XRCC4: variants seen among roughly 807,000 people sequenced by gnomAD.
The protein encoded by XRCC4 is X-ray repair cross complementing 4, also known as DNA repair protein XRCC4.
Under a neutral mutation model 39.1 loss-of-function variants are expected in XRCC4, and 28 were observed. That is an observed-to-expected ratio of 0.72 (90% CI 0.53 to 0.98). The LOEUF is 0.98. Among genes scored for constraint, XRCC4 ranks in the 50% least tolerant of loss-of-function variants. The probability of loss-of-function intolerance (pLI) is 0.00; values close to 1 mark genes in which losing one functional copy is unlikely to be tolerated. For missense variants in XRCC4, 350 were observed against 376.4 expected, an observed-to-expected ratio of 0.93 and a Z score of 0.58; for synonymous variants, 123 against 126.4, an observed-to-expected ratio of 0.97 and a Z score of 0.18.
intron 7 of XRCC4, among the ~76,000 whole-genome samples, chr5:83,312,423 T>C (rs990759712): frequency 6.6e-6 from 1 of 152,210 alleles, no homozygotes; most frequent in African/African-American, 2.4e-5. Flanking sequence ...CTAAGCAATA[T>C]AAATTAATAG....
intron 6 of XRCC4, among the ~76,000 whole-genome samples, chr5:83,223,344 A>C (rs1180038609): frequency 6.6e-6 from 1 of 152,042 alleles, no homozygotes; most frequent in African/African-American, 2.4e-5. Flanking sequence ...GAGTCTATTC[A>C]ATCTCCTTTT....
intron 7 of XRCC4, among the ~76,000 whole-genome samples, chr5:83,307,603 A>G (rs537766877): frequency 1.1e-4 from 17 of 152,350 alleles, no homozygotes; most frequent in Admixed American, 2.0e-4. Context: ...TTTACATCCA[A>G]GTGGTAAGAA....
chr5:83,233,801 C>T (rs1752585333), intron 6 of XRCC4, among the ~76,000 whole-genome samples: 1 of 149,060 alleles, frequency 6.7e-6, no homozygotes, highest in Non-Finnish European at 1.5e-5. Flanking sequence ...ACTCAGGAGG[C>T]TGAGGCAGAA....
chr5:83,082,170 T>C (rs1561311708), intron 1 of XRCC4, among the ~76,000 whole-genome samples: 2 of 152,230 alleles, frequency 1.3e-5, no homozygotes, highest in Non-Finnish European at 2.9e-5. Context: ...TGTTCTGTTC[T>C]CTCTGCTTTT....
intron 6 of XRCC4, among the ~76,000 whole-genome samples, chr5:83,207,487 T>A (rs1417714437): frequency 6.6e-6 from 1 of 152,112 alleles, no homozygotes; most frequent in Non-Finnish European, 1.5e-5. Flanking sequence ...ATTTTTGCAT[T>A]TAACTTGCTT....
Position 83,285,701 on chromosome 5 carries a change from A to T in XRCC4, c.893+27024A>T, listed in dbSNP as rs552232553. ...TTGTGCAACTAATTAATATCGGTCA[A>T]GGGGGGGTTGTTTGTTTCATTGACA... On this transcript the variant is annotated intron_variant, in intron 7 of 7. Transcript: ENST00000396027. Among the ~76,000 whole-genome samples the T allele has an allele frequency of 7.9e-5, 12 of 152,222 alleles. No individual in the cohort carries two copies. The East Asian group carries it at 1.4e-3, about 17-fold the overall frequency.
intron 3 of XRCC4, among the ~76,000 whole-genome samples, chr5:83,114,912 C>T (rs1466245243): frequency 6.6e-6 from 1 of 152,168 alleles, no homozygotes; most frequent in Non-Finnish European, 1.5e-5. Flanking sequence ...ATTCACAGTT[C>T]CACATGGCTG....
intron 1 of XRCC4, among the ~76,000 whole-genome samples, chr5:83,096,763 T>C (rs77536612): frequency 1.8e-3 from 269 of 152,288 alleles, no homozygotes; most frequent in African/African-American, 6.2e-3. Flanking sequence ...TACATAAAAA[T>C]TGGCATTTGT....
the XRCC4 span, among the ~76,000 whole-genome samples, chr5:83,364,586 G>A: frequency 6.6e-6 from 1 of 152,124 alleles, no homozygotes; most frequent in Admixed American, 6.6e-5. Context: ...CATTGAGAAT[G>A]TCTTAAATAT....
At chr5:83,310,229 G>A (rs764230156) in intron 7 of XRCC4, among the ~76,000 whole-genome samples, 5 of 152,144 alleles carry the variant, frequency 3.3e-5, no homozygotes, top group East Asian at 1.9e-4. Context: ...TGCATTAATG[G>A]GAGAGGACTG....
At chr5:83,259,623 G>A (rs1423046116) in intron 7 of XRCC4, among the ~76,000 whole-genome samples, 1 of 152,062 alleles carries the variant, frequency 6.6e-6, no homozygotes, top group Non-Finnish European at 1.5e-5. Flanking sequence ...GGTTTGAAAA[G>A]TATAAAACAA....
intron 3 of XRCC4, among the ~76,000 whole-genome samples, chr5:83,160,544 TC>T (rs1409122241): frequency 1.3e-5 from 2 of 152,208 alleles, no homozygotes; most frequent in Admixed American, 1.3e-4. Flanking sequence ...TATATGTGTT[TC>T]TGCAGATGCT....
In XRCC4 at chr5:83,229,659, C is replaced by CTTTT. The variant is rs61356475; in HGVS notation, c.745+24757_745+24760dup. On this transcript the variant is annotated intron_variant, in intron 6 of 7. Coordinates refer to ENST00000396027, the MANE Select transcript of XRCC4 (RefSeq NM_003401.5). ...TATTCCAGGAGACAAAATGTTTAAA[C>CTTTT]TTTTTTTTTTTTTTTTTTTTTTGCT... 1.8e-3 allele frequency among the ~76,000 whole-genome samples: 183 copies of CTTTT among 103,674 alleles called. 5 individuals are homozygous for CTTTT. Among genetic ancestry groups the CTTTT allele is most frequent in the African/African-American group, 6.5e-3 (169 of 25,974 alleles). 68.0% of individuals were successfully genotyped at this position (103,674 alleles called of 152,430 possible). A position where few individuals can be genotyped will look rare whatever the true frequency, so the allele number is the denominator to read the frequency against.
At chr5:83,305,831 A>G (rs934045618) in intron 7 of XRCC4, among the ~76,000 whole-genome samples, 4 of 152,192 alleles carry the variant, frequency 2.6e-5, no homozygotes, top group Non-Finnish European at 5.9e-5. Flanking sequence ...ACATTCAAAC[A>G]TAATCCATTA....
intron 7 of XRCC4, among the ~76,000 whole-genome samples, chr5:83,316,322 A>G (rs2112113074): frequency 6.6e-6 from 1 of 152,310 alleles, no homozygotes; most frequent in Middle Eastern, 3.4e-3. Context: ...AGCTAACATC[A>G]TAATGACAGG....
intron 3 of XRCC4, among the ~76,000 whole-genome samples, chr5:83,128,029 T>C (rs1747360711): frequency 6.6e-6 from 1 of 152,018 alleles, no homozygotes; most frequent in African/African-American, 2.4e-5. Flanking sequence ...CATATGCAGG[T>C]TTTTTACATA....
intron 6 of XRCC4, among the ~76,000 whole-genome samples, chr5:83,206,023 A>G (rs1461927228): frequency 6.6e-6 from 1 of 152,142 alleles, no homozygotes. Flanking sequence ...GAAGACTGGG[A>G]GAATTAGGAA....
the XRCC4 span, among the ~76,000 whole-genome samples, chr5:83,358,903 C>T: frequency 1.2e-4 from 18 of 152,230 alleles, no homozygotes; most frequent in Middle Eastern, 3.4e-3. Context: ...GGCGGAGAAG[C>T]GACTGCAAGG....
At chr5:83,357,520 G>A (rs1757203373), downstream of XRCC4, among the ~76,000 whole-genome samples, 1 of 152,186 alleles carries the variant, frequency 6.6e-6, no homozygotes, top group Non-Finnish European at 1.5e-5. Context: ...AGAAGGTACT[G>A]GGGCTGGGTT....
Sources: gnomAD v4.1 joint callset for allele counts (sites outside exome capture counted in the v4.1 genomes callset) on GRCh38, gnomAD v4.1.1 for gene constraint, MANE v1.5 for transcripts, NCBI Gene and HGNC (gene_info 2026-07-23, HGNC 2026-07-21) for gene names.